Variants in PCNX2 observed in about 807,000 individuals in gnomAD.
PCNX2 encodes pecanex-like protein 2.
Under a neutral mutation model 223.8 loss-of-function variants are expected in PCNX2, and 168 were observed. The observed-to-expected ratio is 0.75, with a 90% CI of 0.66 to 0.85. The LOEUF (loss-of-function observed/expected upper bound fraction) is 0.85, where lower values mean the gene tolerates loss of function less well. PCNX2 is among the 40% of genes least tolerant of loss of function. The pLI is 0.00. For synonymous variants in PCNX2, 1,006 were observed against 1,052.6 expected, an observed-to-expected ratio of 0.96 and a Z score of 0.86; for missense variants, 2,507 against 2,675.5, an observed-to-expected ratio of 0.94 and a Z score of 1.39.
At chr1:233,209,240 G>A (rs1371710890) in intron 12 of PCNX2, among the ~76,000 whole-genome samples, 2 of 152,186 alleles carry the variant, frequency 1.3e-5, no homozygotes, top group Non-Finnish European at 2.9e-5. Flanking sequence ...CTTAAAAAAA[G>A]TGTTATTTAT....
At chr1:233,244,925 C>T (rs942668159) in intron 8 of PCNX2, among the ~76,000 whole-genome samples, 1 of 152,186 alleles carries the variant, frequency 6.6e-6, no homozygotes, top group Non-Finnish European at 1.5e-5. Context: ...CTCCAACCGT[C>T]CCACCAAAGA....
At chr1:233,004,243 G>A (rs1670196872) in intron 28 of PCNX2, among the ~76,000 whole-genome samples, 1 of 151,994 alleles carries the variant, frequency 6.6e-6, no homozygotes, top group Non-Finnish European at 1.5e-5. Context: ...TAAAAAAGAG[G>A]GATCTTTCAA....
chr1:233,033,223 C>T lies in PCNX2; in HGVS notation c.4352-7824G>A, dbSNP rs552398708. On this transcript the variant is annotated intron_variant, in intron 25 of 33. Transcript: ENST00000258229. Reference sequence around the variant, plus strand: ...TTTGTCACACCTACCAATGCCAAGCCCAGCCAGACTTATTTATTCCCACCT... The same window carrying T: ...TTTGTCACACCTACCAATGCCAAGCTCAGCCAGACTTATTTATTCCCACCT... The T allele has an allele frequency of 6.1e-6, 6 of 981,540 alleles. No individual in the cohort carries two copies. In the African/African-American group the frequency reaches 1.0e-4, roughly 17 times the overall value. The allele number at this position is 981,540 out of a possible 1,614,324, so 60.8% of individuals were successfully genotyped here. A position where few individuals can be genotyped will look rare whatever the true frequency, so the allele number is the denominator to read the frequency against.
intron 15 of PCNX2, among the ~76,000 whole-genome samples, chr1:233,183,093 A>G (rs1679896337): frequency 6.6e-6 from 1 of 152,196 alleles, no homozygotes; most frequent in East Asian, 1.9e-4. Flanking sequence ...ACGACCTGCA[A>G]TAAGACTTGT....
At chr1:233,294,198 A>C (rs1037135221) in intron 1 of PCNX2, among the ~76,000 whole-genome samples, 2 of 152,226 alleles carry the variant, frequency 1.3e-5, no homozygotes, top group Non-Finnish European at 2.9e-5. Context: ...GTCCAATCTC[A>C]GGTCAAGACA....
At chr1:233,304,270 G>A in the PCNX2 span, among the ~76,000 whole-genome samples, 3 of 152,152 alleles carry the variant, frequency 2.0e-5, no homozygotes, top group African/African-American at 4.8e-5. Flanking sequence ...TTGTGTAGCA[G>A]TTAGAGGTAA....
chr1:233,032,718 G>C (rs1434035025), intron 25 of PCNX2, among the ~76,000 whole-genome samples: 1 of 152,102 alleles, frequency 6.6e-6, no homozygotes, highest in African/African-American at 2.4e-5. Flanking sequence ...CTGACCATCT[G>C]AGTGAAATAG....
chr1:233,129,664 G>C (rs1006470729), intron 21 of PCNX2, among the ~76,000 whole-genome samples: 1 of 152,116 alleles, frequency 6.6e-6, no homozygotes, highest in Non-Finnish European at 1.5e-5. Context: ...TGTCTAGCTC[G>C]GAGTTTGTGG....
chr1:233,172,292 G>C, intron 17 of PCNX2: 1 of 947,918 alleles, frequency 1.1e-6, no homozygotes, highest in Non-Finnish European at 1.3e-6. Flanking sequence ...ACTTGGACAA[G>C]GCAACCTTCT....
chr1:232,993,869 C>A (rs1669789038), intron 32 of PCNX2, among the ~76,000 whole-genome samples: 1 of 152,242 alleles, frequency 6.6e-6, no homozygotes, highest in African/African-American at 2.4e-5. Flanking sequence ...TCAGAGGGTG[C>A]AAACTCCAAG....
intron 13 of PCNX2, among the ~76,000 whole-genome samples, chr1:233,204,964 G>C (rs1200857626): frequency 6.6e-6 from 1 of 152,138 alleles, no homozygotes; most frequent in Non-Finnish European, 1.5e-5. Flanking sequence ...ATAAGAATAT[G>C]CATAGCTAGT....
intron 23 of PCNX2, among the ~76,000 whole-genome samples, chr1:233,075,637 T>C (rs752144360): frequency 2.6e-5 from 4 of 151,566 alleles, no homozygotes; most frequent in Non-Finnish European, 4.4e-5. Context: ...TGGTAAAGAA[T>C]ACATGGGCTC....
At position 233,271,617 on chromosome 1, in the gene PCNX2, T is replaced by C. The variant is rs541037135; in HGVS notation, c.154-8454A>G. Among the ~76,000 whole-genome samples, 28 of 152,334 alleles carry C rather than the reference T, an allele frequency of 1.8e-4. No homozygotes were observed. The East Asian group carries it at 2.7e-3, about 15-fold the overall frequency. On this transcript the variant is annotated intron_variant, in intron 1 of 33. Transcript: ENST00000258229. ...AAATATTAAAATCAGGTCTTAGGTT[T>C]AAGTCTTTGATCCATCTTGAGTTGA...
chr1:233,268,980 G>A (rs1660491099), intron 1 of PCNX2, among the ~76,000 whole-genome samples: 1 of 152,188 alleles, frequency 6.6e-6, no homozygotes, highest in South Asian at 2.1e-4. Context: ...AGAGGCCCAA[G>A]GCTGTGCATG....
chr1:233,097,258 A>G (rs1674227019), intron 21 of PCNX2, among the ~76,000 whole-genome samples: 1 of 151,958 alleles, frequency 6.6e-6, no homozygotes, highest in Admixed American at 6.6e-5. Flanking sequence ...TAGATAGAAG[A>G]GAATGGAAGA....
chr1:233,310,639 A>C, the PCNX2 span, among the ~76,000 whole-genome samples: 1 of 152,136 alleles, frequency 6.6e-6, no homozygotes, highest in Non-Finnish European at 1.5e-5. Flanking sequence ...CATGACAGTA[A>C]AGTTGCTGTG....
intron 23 of PCNX2, among the ~76,000 whole-genome samples, chr1:233,088,546 G>C (rs1285144356): frequency 6.6e-6 from 1 of 152,078 alleles, no homozygotes; most frequent in Non-Finnish European, 1.5e-5. Flanking sequence ...TGTCTCTTTA[G>C]ACAAATGCAA....
At chr1:232,989,732 C>T (rs189471247) in intron 32 of PCNX2, among the ~76,000 whole-genome samples, 172 of 152,350 alleles carry the variant, frequency 1.1e-3, no homozygotes, top group African/African-American at 3.9e-3. Flanking sequence ...GATGCCAAAA[C>T]GCTGATTAGA....
intron 15 of PCNX2, among the ~76,000 whole-genome samples, chr1:233,188,816 G>A (rs199697002): frequency 2.0e-5 from 3 of 152,014 alleles, no homozygotes; most frequent in Admixed American, 1.3e-4. Context: ...CCACCGCACC[G>A]GGCAATCTCC....
Sources: gnomAD v4.1 joint callset for allele counts (sites outside exome capture counted in the v4.1 genomes callset) on GRCh38, gnomAD v4.1.1 for gene constraint, MANE v1.5 for transcripts, NCBI Gene and HGNC (gene_info 2026-07-23, HGNC 2026-07-21) for gene names.